Variants in RNF220 observed in about 807,000 individuals in gnomAD.
RNF220 encodes the protein E3 ubiquitin-protein ligase RNF220.
A neutral mutation model predicts 67.1 loss-of-function variants in RNF220; 7 were observed. The ratio of observed to expected loss-of-function variants is 0.10; its 90% CI spans 0.06 to 0.20. RNF220 has a LOEUF of 0.20. Ranked by LOEUF, RNF220 falls within the 10% of genes least tolerant of loss-of-function variation. The pLI, the probability that RNF220 is intolerant of heterozygous loss-of-function variation, is 1.00. For missense variants in RNF220, 565 were observed against 740.3 expected, an observed-to-expected ratio of 0.76 and a Z score of 2.75; for synonymous variants, 270 against 283.2, an observed-to-expected ratio of 0.95 and a Z score of 0.47.
chr1:44,410,490 G>T (rs1182450966), intron 1 of RNF220: 1 of 152,242 alleles, frequency 6.6e-6, no homozygotes, highest in Non-Finnish European at 1.5e-5. Flanking sequence ...ATTTAGCAAT[G>T]ATGTCTATAA....
At chr1:44,571,051 G>A (rs1664406008) in intron 2 of RNF220, among the ~76,000 whole-genome samples, 1 of 151,292 alleles carries the variant, frequency 6.6e-6, no homozygotes, top group South Asian at 2.1e-4. Context: ...TACCACCTGG[G>A]TGACAGAGAG....
chr1:44,632,096 G>T, intron 5 of RNF220: 2 of 1,416,890 alleles, frequency 1.4e-6, no homozygotes, highest in Non-Finnish European at 9.3e-7. Flanking sequence ...CCGGAGGCCA[G>T]GGCTGGGGCG....
At chr1:44,514,845 T>C (rs1023584557) in intron 2 of RNF220, among the ~76,000 whole-genome samples, 7 of 152,142 alleles carry the variant, frequency 4.6e-5, no homozygotes, top group African/African-American at 1.7e-4. Context: ...GCTTTACTAG[T>C]TGTGTGCATA....
intron 2 of RNF220, among the ~76,000 whole-genome samples, chr1:44,510,843 A>G (rs1658931507): frequency 6.6e-6 from 1 of 152,168 alleles, no homozygotes; most frequent in Non-Finnish European, 1.5e-5. Context: ...GAATGAATGA[A>G]AGGAGAAAAG....
intron 2 of RNF220, among the ~76,000 whole-genome samples, chr1:44,603,738 G>C (rs1667088871): frequency 6.6e-6 from 1 of 152,232 alleles, no homozygotes. Context: ...TGCTCTCATA[G>C]TCCTTGTTCC....
At chr1:44,602,101 C>G (rs1199911589) in intron 2 of RNF220, among the ~76,000 whole-genome samples, 1 of 151,846 alleles carries the variant, frequency 6.6e-6, no homozygotes, top group South Asian at 2.1e-4. Context: ...AGTTCCGTCA[C>G]GGGTTCTACT....
chr1:44,496,478 T>C (rs1657354809), intron 2 of RNF220, among the ~76,000 whole-genome samples: 1 of 152,190 alleles, frequency 6.6e-6, no homozygotes, highest in African/African-American at 2.4e-5. Context: ...ACCTGAGGAA[T>C]GATTAATGCT....
chr1:44,409,213 G>T (rs979300470), intron 1 of RNF220, among the ~76,000 whole-genome samples: 2 of 150,380 alleles, frequency 1.3e-5, no homozygotes, highest in Non-Finnish European at 2.9e-5. Context: ...AACTCCCACA[G>T]ATACGGAACT....
intron 2 of RNF220, among the ~76,000 whole-genome samples, chr1:44,511,948 T>TGTGTG (rs56087559): frequency 6.6e-6 from 1 of 151,510 alleles, no homozygotes; most frequent in African/African-American, 2.4e-5. Flanking sequence ...TGTGTGTGTG[T>TGTGTG]AAGTATGCCT....
chr1:44,493,359 C>T (rs542341727), intron 2 of RNF220, among the ~76,000 whole-genome samples: 7 of 151,908 alleles, frequency 4.6e-5, no homozygotes, highest in Non-Finnish European at 8.8e-5. Flanking sequence ...ACTAAAAATA[C>T]GAAAATTAGC....
In RNF220 at chr1:44,645,477, C is replaced by T. The variant is rs569107205; in HGVS notation, c.1434C>T (p.Ser478=). 4.3e-6 allele frequency: 7 copies of T among 1,613,932 alleles called. No homozygotes were observed. The South Asian group carries it at 6.6e-5, about 15-fold the overall frequency. Residue 478 remains serine, a synonymous_variant, in exon 12 of 15, where the codon AGC becomes AGT. Transcript: ENST00000361799. The surrounding 1 kb of genome is among the most constrained non-coding windows in gnomAD (Gnocchi z 5.0). The part of the protein sequence containing the change: ...QEAMQKTCKN[S]DIEKITEDSA... ...CCATGCAGAAGACCTGCAAGAACAG[C>T]GACATCGAGAAGTAAGTGTTTGGCC...
At chr1:44,487,972 C>T (rs1572654357) in intron 2 of RNF220, among the ~76,000 whole-genome samples, 1 of 40,648 alleles carries the variant, frequency 2.5e-5, no homozygotes, top group Non-Finnish European at 7.9e-5. Flanking sequence ...TTTGGCACTG[C>T]GATTTTTTTT....
intron 2 of RNF220, among the ~76,000 whole-genome samples, chr1:44,547,067 G>C (rs578117791): frequency 6.2e-4 from 95 of 152,346 alleles, no homozygotes; most frequent in Non-Finnish European, 1.0e-3. Context: ...CCTCCAGGGT[G>C]CCTGGCACAT....
chr1:44,464,421 T>C (rs1397407037), intron 2 of RNF220, among the ~76,000 whole-genome samples: 1 of 152,232 alleles, frequency 6.6e-6, no homozygotes, highest in African/African-American at 2.4e-5. Context: ...TTTTCTTTTT[T>C]TGTGCATATC....
At chr1:44,487,198 G>T (rs896912051) in intron 2 of RNF220, among the ~76,000 whole-genome samples, 27 of 151,830 alleles carry the variant, frequency 1.8e-4, no homozygotes, top group African/African-American at 6.0e-4. Context: ...AGCCAGGCAT[G>T]GTGGTGCATG....
At chr1:44,461,445 C>T (rs998460856) in intron 2 of RNF220, among the ~76,000 whole-genome samples, 4 of 152,144 alleles carry the variant, frequency 2.6e-5, no homozygotes, top group East Asian at 1.9e-4. Context: ...CCTCCTGGAG[C>T]GGCGTTGGAG....
chr1:44,584,536 C>A (rs946030619), intron 2 of RNF220, among the ~76,000 whole-genome samples: 4 of 152,102 alleles, frequency 2.6e-5, no homozygotes, highest in African/African-American at 9.7e-5. Flanking sequence ...TAGGAGTTGG[C>A]TCCCCTGAAG....
At chr1:44,495,987 G>A (rs529948820) in intron 2 of RNF220, among the ~76,000 whole-genome samples, 2 of 152,336 alleles carry the variant, frequency 1.3e-5, no homozygotes, top group Admixed American at 6.5e-5. Flanking sequence ...GGGTCAGTTC[G>A]TGCAGGGCTT....
chr1:44,618,015 C>T (rs1396000650), intron 3 of RNF220, among the ~76,000 whole-genome samples: 2 of 152,210 alleles, frequency 1.3e-5, no homozygotes, highest in Admixed American at 6.5e-5. Context: ...GCTTAGCCAG[C>T]TCCTGAGTCT....
Sources: gnomAD v4.1 joint callset for allele counts (sites outside exome capture counted in the v4.1 genomes callset) on GRCh38, gnomAD v4.1.1 for gene constraint, Gnocchi (gnomAD v3.1) non-coding constraint, MANE v1.5 for transcripts, NCBI Gene and HGNC (gene_info 2026-07-23, HGNC 2026-07-21) for gene names.